The following NRXN1 variants were observed in gnomAD, a reference collection of about 807,000 sequenced individuals.
The protein encoded by NRXN1 is neurexin-1.
A neutral mutation model predicts 150.9 loss-of-function variants in NRXN1; 39 were observed. That is an observed-to-expected ratio of 0.26 (90% CI 0.20 to 0.34). NRXN1 has a LOEUF of 0.34. NRXN1 is among the 10% of genes least tolerant of loss of function. NRXN1 has a pLI of 1.00. For missense variants in NRXN1, 1,815 were observed against 1,949.9 expected (o/e 0.93, Z 1.30); for synonymous variants, 924 against 757.0 (o/e 1.22, Z -3.62).
At chr2:50,297,974 T>C (rs2073781518) in intron 17 of NRXN1, among the ~76,000 whole-genome samples, 1 of 152,074 alleles carries the variant, frequency 6.6e-6, no homozygotes, top group African/African-American at 2.4e-5. Context: ...TGGCTCAGGG[T>C]TTGTATCCTC....
chr2:50,261,701 T>A (rs1040788976), intron 17 of NRXN1, among the ~76,000 whole-genome samples: 2 of 151,952 alleles, frequency 1.3e-5, no homozygotes, highest in African/African-American at 2.4e-5. Flanking sequence ...TATAGAAATA[T>A]GTAAAAATAC....
At position 50,347,748 on chromosome 2, in the gene NRXN1, G is replaced by GA. The variant is rs1215392889; in HGVS notation, c.3365-110779dup. The GA allele has an allele frequency of 1.4e-5, 14 of 986,126 alleles. No homozygotes were observed. The highest frequency in any genetic ancestry group is 1.1e-4 in the East Asian group (1 of 8,818). The allele number at this position is 986,126 out of a possible 1,614,324, so 61.1% of individuals were successfully genotyped here. A position where few individuals can be genotyped will look rare whatever the true frequency, so the allele number is the denominator to read the frequency against. On this transcript the variant is annotated intron_variant, in intron 17 of 22. Transcript: ENST00000401669. This position sits in a 1 kb window ranked among gnomAD's most constrained non-coding sequence, Gnocchi z 4.9. ...AGAAACAGAAAAAGAAAAAGAAAAA[G>GA]AAAAAAAGAAAAGAAAAACCACACA...
intron 5 of NRXN1, among the ~76,000 whole-genome samples, chr2:50,682,486 A>G (rs1690549638): frequency 6.6e-6 from 1 of 152,194 alleles, no homozygotes; most frequent in South Asian, 2.1e-4. Flanking sequence ...AATAAGGGAA[A>G]GGAAAATCTA....
intron 2 of NRXN1, among the ~76,000 whole-genome samples, chr2:50,952,665 C>G (rs1349320324): frequency 6.6e-6 from 1 of 152,134 alleles, no homozygotes; most frequent in African/African-American, 2.4e-5. Context: ...GATGAGCATG[C>G]AGAAGCATGT....
chr2:50,604,583 C>T (rs1252984994), intron 8 of NRXN1, among the ~76,000 whole-genome samples: 1 of 152,284 alleles, frequency 6.6e-6, no homozygotes, highest in South Asian at 2.1e-4. Context: ...TTTTCTCCAA[C>T]TTTTCCTGTC....
chr2:50,266,203 T>G (rs1478824652), intron 17 of NRXN1, among the ~76,000 whole-genome samples: 1 of 149,140 alleles, frequency 6.7e-6, no homozygotes, highest in Non-Finnish European at 1.5e-5. Flanking sequence ...TTCACCATGT[T>G]GGCCGGGTTG....
At chr2:50,465,257 G>C (rs2088699042) in intron 17 of NRXN1, 185 bp downstream of exon 17, 1 of 434,300 alleles carries the variant, frequency 2.3e-6, no homozygotes, top group Non-Finnish European at 3.9e-6. Context: ...CATCATCACA[G>C]GATTTAGCCA....
At chr2:50,634,199 G>C (rs1165597175) in intron 5 of NRXN1, among the ~76,000 whole-genome samples, 3 of 152,158 alleles carry the variant, frequency 2.0e-5, no homozygotes. Flanking sequence ...GACATGGTTT[G>C]ATTTACATCT....
chr2:50,200,415 A>T (rs79140665), intron 18 of NRXN1, among the ~76,000 whole-genome samples: 1,640 of 152,274 alleles, frequency 0.011, 37 homozygotes, highest in African/African-American at 0.038. Flanking sequence ...TTTATCAGAG[A>T]TACTAGTCTT....
chr2:50,480,318 T>C (rs2090367171), intron 15 of NRXN1, among the ~76,000 whole-genome samples: 1 of 152,150 alleles, frequency 6.6e-6, no homozygotes, highest in South Asian at 2.1e-4. Flanking sequence ...TCTTCTCCAA[T>C]TAAAATATGT....
chr2:50,629,282 A>C (rs1471832491), intron 5 of NRXN1, among the ~76,000 whole-genome samples: 1 of 151,692 alleles, frequency 6.6e-6, no homozygotes, highest in African/African-American at 2.4e-5. Context: ...ATTAAATAAC[A>C]ATGTGAATCT....
At chr2:50,535,001 G>C (rs1300730341) in intron 10 of NRXN1, among the ~76,000 whole-genome samples, 1 of 152,140 alleles carries the variant, frequency 6.6e-6, no homozygotes, top group African/African-American at 2.4e-5. Context: ...TAAAACTAGA[G>C]TGCCCCCGAG....
intron 5 of NRXN1, among the ~76,000 whole-genome samples, chr2:50,683,699 T>C (rs1690802012): frequency 7.7e-6 from 1 of 130,458 alleles, no homozygotes; most frequent in Non-Finnish European, 1.6e-5. Flanking sequence ...ACTTAGAAAG[T>C]ACAGTAGTTT....
intron 5 of NRXN1, among the ~76,000 whole-genome samples, chr2:50,858,091 G>T (rs1675530703): frequency 9.0e-6 from 1 of 111,250 alleles, no homozygotes; most frequent in Non-Finnish European, 2.3e-5. Context: ...TACCCAAATA[G>T]ATTTTTTTTT....
At chr2:50,788,073 T>C (rs778079621) in intron 5 of NRXN1, among the ~76,000 whole-genome samples, 6 of 151,828 alleles carry the variant, frequency 4.0e-5, no homozygotes, top group Non-Finnish European at 8.8e-5. Flanking sequence ...CTATCTTGCC[T>C]GCTTTATTAT....
intron 13 of NRXN1, among the ~76,000 whole-genome samples, chr2:50,500,597 T>C (rs905301454): frequency 1.3e-5 from 2 of 152,168 alleles, no homozygotes; most frequent in Admixed American, 6.5e-5. Context: ...ATTTTTAATG[T>C]TCTAATGATT....
At chr2:50,602,694 T>C (rs1676474552) in intron 8 of NRXN1, among the ~76,000 whole-genome samples, 1 of 152,112 alleles carries the variant, frequency 6.6e-6, no homozygotes, top group Non-Finnish European at 1.5e-5. Context: ...CTATTCTTCA[T>C]AGAATAAAAG....
At chr2:50,050,787 GT>G (rs5831073) in intron 21 of NRXN1, among the ~76,000 whole-genome samples, 90,801 of 151,524 alleles carry the variant, frequency 0.6, 27,588 homozygotes, top group Middle Eastern at 0.67. Flanking sequence ...CTTCCCTAAT[GT>G]TTTTTCCCCA....
intron 18 of NRXN1, among the ~76,000 whole-genome samples, chr2:50,120,074 T>C (rs1703652806): frequency 6.6e-6 from 1 of 152,102 alleles, no homozygotes; most frequent in Non-Finnish European, 1.5e-5. Flanking sequence ...CTATTGTTAA[T>C]CAAAAAGCCA....
Sources: gnomAD v4.1 joint callset for allele counts (sites outside exome capture counted in the v4.1 genomes callset) on GRCh38, gnomAD v4.1.1 for gene constraint, Gnocchi (gnomAD v3.1) non-coding constraint, MANE v1.5 for transcripts, NCBI Gene and HGNC (gene_info 2026-07-23, HGNC 2026-07-21) for gene names.